Variants in PRKN observed in about 807,000 individuals in gnomAD.
The protein encoded by PRKN is parkin RBR E3 ubiquitin protein ligase.
In PRKN, 56 loss-of-function variants were observed where a neutral mutation model predicts 59.5. The observed-to-expected ratio is 0.94, with a 90% CI of 0.76 to 1.18. The LOEUF (loss-of-function observed/expected upper bound fraction) is 1.18. PRKN is among the 50% of genes most tolerant of loss of function. PRKN has a pLI of 0.00. For missense variants in PRKN, 657 were observed against 596.4 expected (o/e 1.10, Z -1.06); for synonymous variants, 250 against 222.1 (o/e 1.13, Z -1.12).
chr6:162,598,328 A>C (rs1328223363), intron 1 of PRKN, among the ~76,000 whole-genome samples: 1 of 152,140 alleles, frequency 6.6e-6, no homozygotes, highest in Non-Finnish European at 1.5e-5. Context: ...TTATTCATTT[A>C]TATACTATTT....
At chr6:161,639,861 CCTA>C (rs547763954) in intron 7 of PRKN, among the ~76,000 whole-genome samples, 2 of 152,232 alleles carry the variant, frequency 1.3e-5, no homozygotes, top group Non-Finnish European at 2.9e-5. Flanking sequence ...AGGCGCAATG[CCTA>C]CCACCCCATC....
chr6:162,107,898 T>C (rs978453629), intron 4 of PRKN, among the ~76,000 whole-genome samples: 3 of 152,058 alleles, frequency 2.0e-5, no homozygotes, highest in African/African-American at 7.2e-5. Flanking sequence ...GAAAACCCCA[T>C]AGAATCTAAG....
chr6:161,540,103 A>T (rs1350582785), intron 9 of PRKN, among the ~76,000 whole-genome samples: 2 of 152,134 alleles, frequency 1.3e-5, no homozygotes, highest in East Asian at 3.9e-4. Context: ...CCCCAGCTGG[A>T]CTGGACCCAA....
chr6:161,515,733 ATCCAC>A (rs1325990968), intron 9 of PRKN, among the ~76,000 whole-genome samples: 2 of 152,212 alleles, frequency 1.3e-5, no homozygotes, highest in African/African-American at 4.8e-5. Flanking sequence ...ATCTGATGGC[ATCCAC>A]TTTCCAGTGG....
intron 4 of PRKN, among the ~76,000 whole-genome samples, chr6:162,200,262 C>T (rs1784669623): frequency 6.6e-6 from 1 of 152,124 alleles, no homozygotes; most frequent in Non-Finnish European, 1.5e-5. Context: ...AACCACATCA[C>T]ATCCAGCCAA....
At chr6:162,182,281 T>C (rs1783832092) in intron 4 of PRKN, among the ~76,000 whole-genome samples, 2 of 152,294 alleles carry the variant, frequency 1.3e-5, no homozygotes, top group South Asian at 4.1e-4. Context: ...CATGATTCAA[T>C]CTGCGTTTAC....
intron 6 of PRKN, among the ~76,000 whole-genome samples, chr6:161,804,628 A>G (rs1328743595): frequency 6.6e-6 from 1 of 152,224 alleles, no homozygotes; most frequent in African/African-American, 2.4e-5. Flanking sequence ...AATTCATAGA[A>G]AATAAATCAT....
At chr6:162,009,680 A>G (rs1782406817) in intron 5 of PRKN, among the ~76,000 whole-genome samples, 1 of 151,918 alleles carries the variant, frequency 6.6e-6, no homozygotes, top group African/African-American at 2.4e-5. Flanking sequence ...TCATGCCTGT[A>G]ATCCCAGCAC....
chr6:162,722,370 T>C (rs1423790945), intron 1 of PRKN, among the ~76,000 whole-genome samples: 2 of 152,218 alleles, frequency 1.3e-5, no homozygotes, highest in South Asian at 2.1e-4. Flanking sequence ...CAAGATTCTA[T>C]GCTACAGGAT....
chr6:162,457,638 T>TA (rs1386816338), intron 1 of PRKN, among the ~76,000 whole-genome samples: 2 of 149,438 alleles, frequency 1.3e-5, no homozygotes, highest in Admixed American at 6.6e-5. Flanking sequence ...ATCCCAAACT[T>TA]AAGAGTCAGG....
intron 1 of PRKN, among the ~76,000 whole-genome samples, chr6:162,479,770 A>C (rs74620002): frequency 7.4e-5 from 6 of 80,606 alleles, no homozygotes; most frequent in Admixed American, 4.8e-4. Flanking sequence ...TTTTTTTCTC[A>C]AAAATAATTA....
At chr6:161,977,532 T>C (rs1583431173) in intron 5 of PRKN, among the ~76,000 whole-genome samples, 4 of 115,424 alleles carry the variant, frequency 3.5e-5, no homozygotes, top group African/African-American at 9.9e-5. Flanking sequence ...CTCTACTTTC[T>C]GTTTTTTTGG....
intron 1 of PRKN, among the ~76,000 whole-genome samples, chr6:162,523,233 G>C (rs577018958): frequency 6.6e-6 from 1 of 152,312 alleles, no homozygotes; most frequent in Admixed American, 6.5e-5. Context: ...GGAATTCACA[G>C]GACAGTGGGA....
intron 1 of PRKN, among the ~76,000 whole-genome samples, chr6:162,556,368 T>TGTGTGTGTGCGC (rs1554243454): frequency 1.0e-5 from 1 of 98,054 alleles, no homozygotes; most frequent in Non-Finnish European, 2.4e-5. Context: ...TGTGTGTGTG[T>TGTGTGTGTGCGC]GTGTGTGTGT....
chr6:161,482,127 A>C (rs1791432195), intron 9 of PRKN, among the ~76,000 whole-genome samples: 1 of 152,240 alleles, frequency 6.6e-6, no homozygotes, highest in Non-Finnish European at 1.5e-5. Flanking sequence ...TTGTTAACAA[A>C]ATTTATCAAT....
intron 10 of PRKN, among the ~76,000 whole-genome samples, chr6:161,367,389 C>T (rs960151491): frequency 6.6e-6 from 1 of 151,778 alleles, no homozygotes; most frequent in Non-Finnish European, 1.5e-5. Context: ...CCTCCTGGGA[C>T]TGTCAAGGGC....
intron 7 of PRKN, among the ~76,000 whole-genome samples, chr6:161,757,840 T>TCCCTCTCTCTCTCC (rs1273935807): frequency 1.0e-5 from 1 of 100,140 alleles, no homozygotes; most frequent in African/African-American, 4.5e-5. Flanking sequence ...TCCATCTCTC[T>TCCCTCTCTCTCTCC]CTCTCTCTCT....
chr6:162,316,084 T>C (rs901824252), intron 2 of PRKN, among the ~76,000 whole-genome samples: 14 of 151,992 alleles, frequency 9.2e-5, no homozygotes, highest in African/African-American at 2.9e-4. Context: ...GTCCTGGTGA[T>C]AGAAGTATTC....
intron 1 of PRKN, among the ~76,000 whole-genome samples, chr6:162,635,653 T>C (rs1777680970): frequency 6.6e-6 from 1 of 152,160 alleles, no homozygotes. Flanking sequence ...TTGGTTGACA[T>C]TTAGGTCTTT....
Sources: allele counts gnomAD v4.1 joint callset (sites outside exome capture counted in the v4.1 genomes callset), GRCh38; gene constraint gnomAD v4.1.1; transcripts MANE v1.5; gene names NCBI Gene and HGNC (gene_info 2026-07-23, HGNC 2026-07-21).